SHISA9: variants seen among roughly 807,000 people sequenced by gnomAD.
SHISA9 encodes the protein shisa family member 9.
In SHISA9, 13 loss-of-function variants were observed where a neutral mutation model predicts 38.0. The ratio of observed to expected loss-of-function variants is 0.34; its 90% CI spans 0.22 to 0.54. The LOEUF is 0.54. Among genes scored for constraint, SHISA9 ranks in the 20% least tolerant of loss-of-function variants. The probability of loss-of-function intolerance (pLI) is 0.91; values close to 1 mark genes in which losing one functional copy is unlikely to be tolerated. For missense variants in SHISA9, 538 were observed against 575.8 expected, an observed-to-expected ratio of 0.93 and a Z score of 0.67; for synonymous variants, 275 against 242.0, an observed-to-expected ratio of 1.14 and a Z score of -1.27.
At chr16:13,507,445 C>T in the SHISA9 span, among the ~76,000 whole-genome samples, 1 of 152,016 alleles carries the variant, frequency 6.6e-6, no homozygotes, top group African/African-American at 2.4e-5. Context: ...CCTGGAGCAG[C>T]GATTGTCTAA....
chr16:13,403,643 C>T, the SHISA9 span, among the ~76,000 whole-genome samples: 1 of 152,204 alleles, frequency 6.6e-6, no homozygotes. Context: ...AAAGAGTCAT[C>T]ACACTTATGC....
At chr16:13,113,336 C>T (rs1462377577) in intron 2 of SHISA9, among the ~76,000 whole-genome samples, 1 of 152,092 alleles carries the variant, frequency 6.6e-6, no homozygotes, top group Non-Finnish European at 1.5e-5. Flanking sequence ...AGGGGCCAGT[C>T]ACAGAGTATC....
At chr16:12,969,916 T>TAAAAA (rs2072032653) in intron 2 of SHISA9, among the ~76,000 whole-genome samples, 2 of 152,014 alleles carry the variant, frequency 1.3e-5, no homozygotes, top group Admixed American at 1.3e-4. Flanking sequence ...AGTAAACTGT[T>TAAAAA]TAGGGACCAT....
chr16:13,281,370 T>C, the SHISA9 span, among the ~76,000 whole-genome samples: 1 of 151,782 alleles, frequency 6.6e-6, no homozygotes, highest in East Asian at 1.9e-4. Flanking sequence ...TATATCTTTT[T>C]TCGATTATTT....
chr16:13,112,916 T>G (rs2073993786), intron 2 of SHISA9, among the ~76,000 whole-genome samples: 1 of 151,420 alleles, frequency 6.6e-6, no homozygotes, highest in Non-Finnish European at 1.5e-5. Flanking sequence ...GGCAATAGAG[T>G]AAAAAATTTG....
At chr16:13,050,292 T>C (rs1313314737) in intron 2 of SHISA9, among the ~76,000 whole-genome samples, 1 of 152,148 alleles carries the variant, frequency 6.6e-6, no homozygotes, top group Non-Finnish European at 1.5e-5. Flanking sequence ...AAATTAATTT[T>C]TTCCTTTTTT....
intron 2 of SHISA9, among the ~76,000 whole-genome samples, chr16:13,001,221 C>A (rs2072520495): frequency 6.6e-6 from 1 of 152,248 alleles, no homozygotes; most frequent in Non-Finnish European, 1.5e-5. Context: ...AGCCACCGTG[C>A]CCAGCCAGGT....
chr16:13,089,829 C>A (rs918477255), intron 2 of SHISA9, among the ~76,000 whole-genome samples: 1 of 152,024 alleles, frequency 6.6e-6, no homozygotes, highest in Non-Finnish European at 1.5e-5. Flanking sequence ...TTAATTATTT[C>A]TTGCCTTCTG....
chr16:13,303,301 T>C, the SHISA9 span, among the ~76,000 whole-genome samples: 7 of 152,154 alleles, frequency 4.6e-5, no homozygotes, highest in African/African-American at 1.7e-4. Context: ...GTATTCACAA[T>C]GGGCAAAAGG....
At chr16:13,356,846 A>G in the SHISA9 span, among the ~76,000 whole-genome samples, 1 of 152,084 alleles carries the variant, frequency 6.6e-6, no homozygotes, top group Non-Finnish European at 1.5e-5. Flanking sequence ...AATTATTTAG[A>G]TTTTGCAGGA....
intron 2 of SHISA9, among the ~76,000 whole-genome samples, chr16:12,922,021 A>G (rs1047599482): frequency 1.3e-5 from 2 of 152,176 alleles, no homozygotes; most frequent in Non-Finnish European, 2.9e-5. Flanking sequence ...TAAAGTTTGT[A>G]TAGCTACTTA....
chr16:13,013,102 G>C (rs1005617441), intron 2 of SHISA9, among the ~76,000 whole-genome samples: 4 of 152,218 alleles, frequency 2.6e-5, no homozygotes, highest in African/African-American at 9.6e-5. Flanking sequence ...ACCTTTCCAT[G>C]ATCTGTGCTA....
rs538309122 is a variant in SHISA9, at chr16:13,207,572, T to C, written c.847+4023T>C. ...ACACCTTCCCCAGTCCTAGATGGGGTTGATGTACCCCCTCCTGTTCTTCAT... is the reference window on the plus strand; with the variant it reads ...ACACCTTCCCCAGTCCTAGATGGGGCTGATGTACCCCCTCCTGTTCTTCAT... On this transcript the variant is annotated intron_variant, in intron 3 of 4. Transcript: ENST00000558583. Among the ~76,000 whole-genome samples, 19 of 151,914 alleles carry C rather than the reference T, an allele frequency of 1.3e-4. No homozygotes were observed. The South Asian group carries it at 3.7e-3, about 30-fold the overall frequency.
chr16:13,431,189 C>T, the SHISA9 span, among the ~76,000 whole-genome samples: 3 of 152,218 alleles, frequency 2.0e-5, no homozygotes, highest in African/African-American at 7.2e-5. Context: ...CCTCATCCCA[C>T]ACACAAAACC....
chr16:13,345,487 T>G, the SHISA9 span, among the ~76,000 whole-genome samples: 1 of 152,346 alleles, frequency 6.6e-6, no homozygotes, highest in South Asian at 2.1e-4. Context: ...TGTGCCACAT[T>G]TTCTTAATCC....
chr16:12,943,758 C>T (rs1002115699), intron 2 of SHISA9, among the ~76,000 whole-genome samples: 1 of 151,980 alleles, frequency 6.6e-6, no homozygotes, highest in African/African-American at 2.4e-5. Context: ...TAGAAAACAC[C>T]CTGCCTCCAT....
At chr16:13,351,383 T>G in the SHISA9 span, among the ~76,000 whole-genome samples, 1 of 152,106 alleles carries the variant, frequency 6.6e-6, no homozygotes. Flanking sequence ...GACTGGTGGG[T>G]GGCAGGAAAG....
chr16:13,506,791 T>C, the SHISA9 span, among the ~76,000 whole-genome samples: 1 of 152,068 alleles, frequency 6.6e-6, no homozygotes, highest in Non-Finnish European at 1.5e-5. Flanking sequence ...TCCTAGCACT[T>C]TGGGAGGCTG....
chr16:13,323,550 A>G, the SHISA9 span, among the ~76,000 whole-genome samples: 9 of 152,116 alleles, frequency 5.9e-5, no homozygotes, highest in African/African-American at 2.2e-4. Flanking sequence ...TTCTCACACT[A>G]CTATAAAGAA....
Sources: allele counts gnomAD v4.1 joint callset (sites outside exome capture counted in the v4.1 genomes callset), GRCh38; gene constraint gnomAD v4.1.1; transcripts MANE v1.5; gene names NCBI Gene and HGNC (gene_info 2026-07-23, HGNC 2026-07-21).